The following FAM107B variants were observed in gnomAD, a reference collection of about 807,000 sequenced individuals.
FAM107B encodes the protein family with sequence similarity 107 member B, also known as protein FAM107B.
FAM107B carries 21 observed loss-of-function variants against 31.5 expected under a neutral mutation model. The observed-to-expected ratio is 0.67, with a 90% CI of 0.47 to 0.96. The LOEUF (loss-of-function observed/expected upper bound fraction) is 0.96, where lower values mean the gene tolerates loss of function less well. FAM107B is among the 40% of genes least tolerant of loss of function. The probability of loss-of-function intolerance (pLI) is 0.00; values close to 1 mark genes in which losing one functional copy is unlikely to be tolerated. For missense variants in FAM107B, 452 were observed against 377.1 expected (o/e 1.20, Z -1.64); for synonymous variants, 157 against 141.5 (o/e 1.11, Z -0.78).
At chr10:14,607,805 A>C (rs1852630918) in intron 2 of FAM107B, among the ~76,000 whole-genome samples, 1 of 152,066 alleles carries the variant, frequency 6.6e-6, no homozygotes, top group Non-Finnish European at 1.5e-5. Context: ...CAAAGGGAAC[A>C]CTCCGCTGAA....
At chr10:14,690,633 T>C (rs1466322067) in intron 1 of FAM107B, among the ~76,000 whole-genome samples, 1 of 152,104 alleles carries the variant, frequency 6.6e-6, no homozygotes, top group Non-Finnish European at 1.5e-5. Flanking sequence ...TTTGTATTTT[T>C]AGTAGAGACA....
At chr10:14,645,943 G>A (rs1853741721) in intron 2 of FAM107B, among the ~76,000 whole-genome samples, 1 of 152,152 alleles carries the variant, frequency 6.6e-6, no homozygotes, top group South Asian at 2.1e-4. Flanking sequence ...TGGACTAATA[G>A]TGTTGGAAAC....
chr10:14,602,631 C>T (rs1470332616), intron 2 of FAM107B: 2 of 152,216 alleles, frequency 1.3e-5, no homozygotes. Flanking sequence ...CTTTCCATCA[C>T]ATATTTCTTA....
intron 2 of FAM107B, among the ~76,000 whole-genome samples, chr10:14,622,915 T>G (rs17258923): frequency 6.6e-6 from 1 of 152,170 alleles, no homozygotes; most frequent in Non-Finnish European, 1.5e-5. Context: ...ACACTCCTAA[T>G]GCATTCATTA....
At chr10:14,612,838 C>A (rs1852758088) in intron 2 of FAM107B, among the ~76,000 whole-genome samples, 1 of 151,942 alleles carries the variant, frequency 6.6e-6, no homozygotes, top group Admixed American at 6.6e-5. Context: ...ACTGTAGATA[C>A]CCCAAAACTA....
rs536733906 is a variant in FAM107B at position 14,719,680 on chromosome 10, A to G, written c.412-51989T>C. On this transcript the variant is annotated intron_variant, in intron 1 of 4. Coordinates refer to ENST00000181796, the MANE Select transcript of FAM107B (RefSeq NM_031453.4). Reference sequence around the variant, plus strand: ...AGAGAAAGGAAAAGCCAGGGTATTTATGTTCCTCTCTCTCTGCTTCGGGCA... The same window carrying G: ...AGAGAAAGGAAAAGCCAGGGTATTTGTGTTCCTCTCTCTCTGCTTCGGGCA... 2.0e-5 allele frequency among the ~76,000 whole-genome samples: 3 copies of G among 152,226 alleles called. No homozygotes were observed. In the East Asian group the frequency reaches 5.8e-4, roughly 29 times the overall value.
intron 2 of FAM107B, among the ~76,000 whole-genome samples, chr10:14,621,888 C>A (rs993087045): frequency 5.3e-5 from 8 of 152,178 alleles, no homozygotes; most frequent in Non-Finnish European, 1.2e-4. Flanking sequence ...ACAGAAGTAC[C>A]TTGCAGTTAA....
intron 1 of FAM107B, among the ~76,000 whole-genome samples, chr10:14,681,345 C>A (rs924137991): frequency 6.6e-6 from 1 of 152,184 alleles, no homozygotes; most frequent in African/African-American, 2.4e-5. Context: ...ACAATATCAT[C>A]AGGGCCCTCT....
At chr10:14,683,695 G>A (rs918479758) in intron 1 of FAM107B, among the ~76,000 whole-genome samples, 1 of 152,182 alleles carries the variant, frequency 6.6e-6, no homozygotes, top group Non-Finnish European at 1.5e-5. Flanking sequence ...AGTACCAATA[G>A]AATCATGACT....
At chr10:14,759,225 A>AAATAAAT (rs1832993606) in intron 1 of FAM107B, among the ~76,000 whole-genome samples, 2 of 131,120 alleles carry the variant, frequency 1.5e-5, no homozygotes, top group East Asian at 4.2e-4. Flanking sequence ...AATAAATAAA[A>AAATAAAT]AGCAGCAAAG....
chr10:14,578,944 G>A (rs777195919), intron 2 of FAM107B, among the ~76,000 whole-genome samples: 2 of 152,006 alleles, frequency 1.3e-5, no homozygotes, highest in Non-Finnish European at 2.9e-5. Flanking sequence ...TCGTTCAAAC[G>A]CAAGCTAAAA....
intron 1 of FAM107B, among the ~76,000 whole-genome samples, chr10:14,721,189 G>T (rs1426904813): frequency 6.6e-6 from 1 of 152,054 alleles, no homozygotes; most frequent in South Asian, 2.1e-4. Context: ...CTTTTTTATG[G>T]CTGCATAGTA....
chr10:14,742,283 AT>A (rs113119651), intron 1 of FAM107B, among the ~76,000 whole-genome samples: 34,192 of 139,640 alleles, frequency 0.24, 4,452 homozygotes, highest in African/African-American at 0.39. Context: ...CACCCAGCTC[AT>A]TTTTTTTTTT....
chr10:14,538,996 T>C (rs1847913876), intron 2 of FAM107B, among the ~76,000 whole-genome samples: 1 of 152,242 alleles, frequency 6.6e-6, no homozygotes, highest in Admixed American at 6.5e-5. Context: ...TGAAAACTCA[T>C]GGAAAACATC....
intron 1 of FAM107B, among the ~76,000 whole-genome samples, chr10:14,700,598 G>A (rs1452482807): frequency 6.6e-5 from 10 of 152,050 alleles, no homozygotes; most frequent in Non-Finnish European, 1.2e-4. Flanking sequence ...AGCCCAGCCT[G>A]TGCCCCTGCC....
chr10:14,716,305 T>C (rs1855777945), intron 1 of FAM107B, among the ~76,000 whole-genome samples: 1 of 152,242 alleles, frequency 6.6e-6, no homozygotes, highest in South Asian at 2.1e-4. Context: ...ACCATGGTCA[T>C]CTGAAGGCTC....
At chr10:14,528,903 T>A (rs1846629444) in intron 3 of FAM107B, among the ~76,000 whole-genome samples, 1 of 152,232 alleles carries the variant, frequency 6.6e-6, no homozygotes, top group Non-Finnish European at 1.5e-5. Context: ...CTCTGACCTT[T>A]ATTCTGACTT....
At chr10:14,622,339 G>A (rs563377976) in intron 2 of FAM107B, among the ~76,000 whole-genome samples, 5 of 144,428 alleles carry the variant, frequency 3.5e-5, no homozygotes, top group East Asian at 2.0e-4. Flanking sequence ...ATGGAGTCTC[G>A]CTGTATTGCC....
chr10:14,563,663 G>A (rs12778144), intron 2 of FAM107B, among the ~76,000 whole-genome samples: 24,050 of 152,072 alleles, frequency 0.16, 2,298 homozygotes, highest in Middle Eastern at 0.28. Flanking sequence ...GTTTTGGTGT[G>A]GTATCAAGGA....
Sources: gnomAD v4.1 joint callset for allele counts (sites outside exome capture counted in the v4.1 genomes callset) on GRCh38, gnomAD v4.1.1 for gene constraint, MANE v1.5 for transcripts, NCBI Gene and HGNC (gene_info 2026-07-23, HGNC 2026-07-21) for gene names.